Variants in MGAT4C observed in about 807,000 individuals in gnomAD.
MGAT4C encodes the protein alpha-1,3-mannosyl-glycoprotein 4-beta-N-acetylglucosaminyltransferase C.
MGAT4C carries 19 observed loss-of-function variants against 40.1 expected under a neutral mutation model. That is an observed-to-expected ratio of 0.47 (90% CI 0.33 to 0.70). The LOEUF (loss-of-function observed/expected upper bound fraction) is 0.70. MGAT4C is among the 30% of genes least tolerant of loss of function. MGAT4C has a pLI of 0.02. For synonymous variants in MGAT4C, 181 were observed against 187.1 expected (o/e 0.97, Z 0.27); for missense variants, 491 against 563.2 (o/e 0.87, Z 1.30).
intron 1 of MGAT4C, among the ~76,000 whole-genome samples, chr12:86,231,272 T>G (rs552708295): frequency 1.7e-3 from 254 of 152,326 alleles, no homozygotes; most frequent in African/African-American, 5.9e-3. Context: ...ATTTTTAAGC[T>G]AAAAGAGATA....
At chr12:86,778,620 C>T (rs371710652) in intron 1 of MGAT4C, among the ~76,000 whole-genome samples, 4 of 152,174 alleles carry the variant, frequency 2.6e-5, no homozygotes, top group Non-Finnish European at 5.9e-5. Flanking sequence ...TGATTTGACT[C>T]ATCCCTGTTT....
intron 2 of MGAT4C, among the ~76,000 whole-genome samples, chr12:86,470,087 T>G: frequency 6.6e-6 from 1 of 152,120 alleles, no homozygotes; most frequent in East Asian, 1.9e-4. Flanking sequence ...GGAATTTGAG[T>G]TTTTTAATAT....
chr12:86,034,701 A>G lies in MGAT4C; in HGVS notation c.-7+14973T>C, dbSNP rs574264125. Among the ~76,000 whole-genome samples the G allele has an allele frequency of 1.5e-4, 22 of 148,876 alleles. No homozygotes were observed. In the East Asian group the frequency reaches 3.3e-3, roughly 22 times the overall value. ...CCCATCAACCTGTCATCTACATTAG[A>G]TATTTCTCCTAATGCTATCCCTACC... On this transcript the variant is annotated intron_variant, in intron 2 of 4. Transcript: ENST00000611864.
chr12:86,419,949 T>G (rs2136254602), intron 3 of MGAT4C, among the ~76,000 whole-genome samples: 1 of 152,284 alleles, frequency 6.6e-6, no homozygotes, highest in African/African-American at 2.4e-5. Context: ...AAAACACTAC[T>G]TAAACTTAGC....
intron 1 of MGAT4C, among the ~76,000 whole-genome samples, chr12:86,186,993 C>T (rs945314827): frequency 6.6e-6 from 1 of 152,018 alleles, no homozygotes; most frequent in African/African-American, 2.4e-5. Flanking sequence ...CTGGAGTGAG[C>T]ACAATGGGCT....
Position 86,105,855 on chromosome 12 carries a change from C to T in MGAT4C, c.-56-56132G>A, listed in dbSNP as rs193156101. 5.9e-5 allele frequency among the ~76,000 whole-genome samples: 9 copies of T among 152,228 alleles called. No individual in the cohort carries two copies. In the East Asian group the frequency reaches 1.5e-3, roughly 26 times the overall value. Reference sequence around the variant, plus strand: ...AAGGGTTCTGCCCCAAACAGTTAAACGCAATATTTATTTTGTGCACTTACT... The same window carrying T: ...AAGGGTTCTGCCCCAAACAGTTAAATGCAATATTTATTTTGTGCACTTACT... On this transcript the variant is annotated intron_variant, in intron 1 of 4. Transcript: ENST00000611864.
chr12:86,660,456 A>C (rs541956895), intron 2 of MGAT4C, among the ~76,000 whole-genome samples: 8 of 152,346 alleles, frequency 5.3e-5, no homozygotes, highest in African/African-American at 1.9e-4. Context: ...AAAGATATGC[A>C]TTAAATATCT....
At position 85,963,867 on chromosome 12, in the gene MGAT4C, G is replaced by A. The variant is rs190477173; in HGVS notation, c.*15422C>T. ...TAAGAGAAAGTAGAATGCTTGGGAG[G>A]TCATATGTTTCAAATGTATGCATAC... On this transcript the variant is annotated 3_prime_UTR_variant, in exon 5 of 5. Transcript: ENST00000611864. 2.0e-5 allele frequency: 3 copies of A among 151,982 alleles called. No homozygotes were observed. The highest frequency in any genetic ancestry group is 2.0e-4 in the Admixed American group (3 of 15,244). 9.4% of individuals were successfully genotyped at this position (151,982 alleles called of 1,614,324 possible). A position where few individuals can be genotyped will look rare whatever the true frequency, so the allele number is the denominator to read the frequency against.
At chr12:86,537,839 C>A (rs1959100774) in intron 2 of MGAT4C, among the ~76,000 whole-genome samples, 1 of 152,112 alleles carries the variant, frequency 6.6e-6, no homozygotes. Flanking sequence ...GTAATCCCAA[C>A]ACTTTGGGAG....
At chr12:86,167,617 A>G (rs1027936548) in intron 1 of MGAT4C, among the ~76,000 whole-genome samples, 3 of 151,948 alleles carry the variant, frequency 2.0e-5, no homozygotes, top group Non-Finnish European at 2.9e-5. Context: ...TAAAGTAAAG[A>G]GAGCAAGCAC....
At chr12:86,482,772 T>G (rs1242788941) in intron 2 of MGAT4C, among the ~76,000 whole-genome samples, 1 of 152,168 alleles carries the variant, frequency 6.6e-6, no homozygotes, top group African/African-American at 2.4e-5. Flanking sequence ...GAAATTATAG[T>G]CATATATGAT....
intron 2 of MGAT4C, among the ~76,000 whole-genome samples, chr12:86,718,665 C>T (rs1211277464): frequency 6.6e-6 from 1 of 152,118 alleles, no homozygotes; most frequent in Non-Finnish European, 1.5e-5. Flanking sequence ...GAACAGCAGG[C>T]AAGGGACCAT....
intron 3 of MGAT4C, among the ~76,000 whole-genome samples, chr12:86,427,444 T>C (rs556460300): frequency 6.6e-6 from 1 of 152,204 alleles, no homozygotes; most frequent in African/African-American, 2.4e-5. Flanking sequence ...ATATCATGGT[T>C]CTGTACTTAA....
intron 1 of MGAT4C, among the ~76,000 whole-genome samples, chr12:86,782,548 T>C (rs1483867770): frequency 6.6e-6 from 1 of 152,104 alleles, no homozygotes; most frequent in East Asian, 1.9e-4. Flanking sequence ...CTCACGAATG[T>C]TGTTATTAGT....
At chr12:86,259,699 A>G (rs945754112), upstream of MGAT4C, among the ~76,000 whole-genome samples, 3 of 150,508 alleles carry the variant, frequency 2.0e-5, no homozygotes, top group East Asian at 5.9e-4. Context: ...AAATATTTTA[A>G]CTTTAATAGT....
At chr12:86,559,321 A>G (rs576190105) in intron 2 of MGAT4C, among the ~76,000 whole-genome samples, 3 of 152,090 alleles carry the variant, frequency 2.0e-5, no homozygotes, top group South Asian at 4.2e-4. Flanking sequence ...AAATGGATCT[A>G]ACAGACATTT....
chr12:86,786,100 T>C (rs1473463282), intron 1 of MGAT4C, among the ~76,000 whole-genome samples: 1 of 152,066 alleles, frequency 6.6e-6, no homozygotes, highest in Non-Finnish European at 1.5e-5. Context: ...AAATGTTACA[T>C]GTTAGGAGAA....
intron 2 of MGAT4C, among the ~76,000 whole-genome samples, chr12:86,447,598 G>C (rs56215235): frequency 0.029 from 4,332 of 151,976 alleles, 90 homozygotes; most frequent in Middle Eastern, 0.075. Context: ...ATAAGTTAGA[G>C]AGTAAAATAA....
chr12:86,469,002 TTTAA>T (rs1157272775), intron 2 of MGAT4C, among the ~76,000 whole-genome samples: 1 of 152,138 alleles, frequency 6.6e-6, no homozygotes, highest in African/African-American at 2.4e-5. Context: ...TATTATCCAA[TTTAA>T]TTATTTTGTT....
Sources: allele counts gnomAD v4.1 joint callset (sites outside exome capture counted in the v4.1 genomes callset), GRCh38; gene constraint gnomAD v4.1.1; transcripts MANE v1.5; gene names NCBI Gene and HGNC (gene_info 2026-07-23, HGNC 2026-07-21).